Variants in ZNF765 observed in about 807,000 individuals in gnomAD.
The protein encoded by ZNF765 is zinc finger protein 765.
In ZNF765, 37 loss-of-function variants were observed where a neutral mutation model predicts 44.7. The observed-to-expected ratio is 0.83, with a 90% CI of 0.64 to 1.09. ZNF765 has a LOEUF of 1.09. ZNF765 is among the 50% of genes least tolerant of loss of function. The pLI, the probability that ZNF765 is intolerant of heterozygous loss-of-function variation, is 0.00. For synonymous variants in ZNF765, 201 were observed against 213.7 expected (o/e 0.94, Z 0.52); for missense variants, 594 against 626.1 (o/e 0.95, Z 0.55).
chr19:53,400,832 A>G lies in ZNF765; in HGVS notation c.16-1233A>G, dbSNP rs893427468. On this transcript the variant is annotated intron_variant, in intron 2 of 3. Coordinates refer to ENST00000396408, the MANE Select transcript of ZNF765 (RefSeq NM_001040185.3). ...TCATACTTTGAGTAATCTAGTTTTCATATATTTTCTTTTGTTTTGAGACTG... is the reference window on the plus strand; with the variant it reads ...TCATACTTTGAGTAATCTAGTTTTCGTATATTTTCTTTTGTTTTGAGACTG... 5.5e-5 allele frequency among the ~76,000 whole-genome samples: 8 copies of G among 146,018 alleles called. No individual in the cohort carries two copies. In the Admixed American group the frequency reaches 5.6e-4, roughly 10 times the overall value.
At chr19:53,423,632 G>C (rs2259947) in exon 4 of ZNF765, 195,060 of 243,692 alleles carry the variant, frequency 0.8, 79,887 homozygotes, top group South Asian at 0.84. Flanking sequence ...ACTGTCAGCC[G>C]CTTTCTTCTC....
At chr19:53,404,378 T>C (rs949343530) in intron 3 of ZNF765, among the ~76,000 whole-genome samples, 1 of 151,856 alleles carries the variant, frequency 6.6e-6, no homozygotes, top group Non-Finnish European at 1.5e-5. Flanking sequence ...GCCCGGCCTG[T>C]CTTTTTATTT....
intron 1 of ZNF765, among the ~76,000 whole-genome samples, chr19:53,396,738 TG>T (rs2085674892): frequency 6.6e-6 from 1 of 152,224 alleles, no homozygotes; most frequent in Non-Finnish European, 1.5e-5. Flanking sequence ...ACCCTTGCCT[TG>T]CCTGTTAGTT....
At chr19:53,406,972 G>A (rs1467260242) in intron 3 of ZNF765, among the ~76,000 whole-genome samples, 1 of 152,012 alleles carries the variant, frequency 6.6e-6, no homozygotes, top group Non-Finnish European at 1.5e-5. Flanking sequence ...TTTTCTGCAA[G>A]GATATAGGTA....
rs992365817 is a variant in ZNF765 at position 53,409,210 on chromosome 19, G to C, written c.*83G>C. 7.7e-7 allele frequency: 1 copy of C among 1,295,098 alleles called. No individual in the cohort carries two copies. The highest frequency in any genetic ancestry group is 1.1e-6 in the Non-Finnish European group (1 of 895,214). 80.2% of individuals were successfully genotyped at this position (1,295,098 alleles called of 1,614,324 possible). ...TAGTGGAGAGAAACCTTACAAATATGAAGAACTTGACAAAGCTTACAATTT... is the reference window on the plus strand; with the variant it reads ...TAGTGGAGAGAAACCTTACAAATATCAAGAACTTGACAAAGCTTACAATTT... On this transcript the variant is annotated 3_prime_UTR_variant, in exon 4 of 4. Coordinates refer to ENST00000396408, the MANE Select transcript of ZNF765 (RefSeq NM_001040185.3).
intron 2 of ZNF765, among the ~76,000 whole-genome samples, chr19:53,400,180 G>C (rs1200677527): frequency 6.6e-6 from 1 of 152,196 alleles, no homozygotes; most frequent in South Asian, 2.1e-4. Flanking sequence ...GCCAGTGTCT[G>C]TTGTTTTCTT....
At position 53,409,968 on chromosome 19, in the gene ZNF765, A is replaced by G. The variant is rs1013685780; in HGVS notation, c.*841A>G. 1 of 559,392 alleles carries G rather than the reference A, an allele frequency of 1.8e-6. No homozygotes were observed. The highest frequency in any genetic ancestry group is 1.9e-5 in the African/African-American group (1 of 53,032). The allele number at this position is 559,392 out of a possible 1,614,324, so 34.7% of individuals were successfully genotyped here. On this transcript the variant is annotated 3_prime_UTR_variant, in exon 4 of 4. Coordinates refer to ENST00000396408, the MANE Select transcript of ZNF765 (RefSeq NM_001040185.3). ...AGTAATGCTACAACTATTGCAAATCATTGGAGAATCCATAATGAAGAGAGA... is the reference window on the plus strand; with the variant it reads ...AGTAATGCTACAACTATTGCAAATCGTTGGAGAATCCATAATGAAGAGAGA...
rs1254141406 is a variant in ZNF765 at position 53,397,952 on chromosome 19, C to T, written c.-64C>T. 3 of 1,607,768 alleles carry T rather than the reference C, an allele frequency of 1.9e-6. No individual in the cohort carries two copies. Among genetic ancestry groups the T allele is most frequent in the Admixed American group, 1.7e-5 (1 of 59,720 alleles). ...TATTTCTAACATTCAGGATTGACTT[C>T]TAAAGACTCTTGGTATGTGAGGAAG... On this transcript the variant is annotated 5_prime_UTR_variant, in exon 2 of 4. Transcript: ENST00000396408.
downstream of ZNF765, among the ~76,000 whole-genome samples, chr19:53,414,493 C>CA (rs1568786166): frequency 4.0e-3 from 73 of 18,336 alleles, 14 homozygotes; most frequent in Non-Finnish European, 8.2e-3. Context: ...ACACACACCC[C>CA]CCCCCCCCCC....
chr19:53,414,898 G>T (rs1346241949), downstream of ZNF765, among the ~76,000 whole-genome samples: 2 of 152,064 alleles, frequency 1.3e-5, no homozygotes, highest in Non-Finnish European at 2.9e-5. Flanking sequence ...GTGCTGCAAT[G>T]ACATGGTTTA....
chr19:53,417,740 C>G (rs1295773961), intron 3 of ZNF765, among the ~76,000 whole-genome samples: 1 of 152,170 alleles, frequency 6.6e-6, no homozygotes, highest in Non-Finnish European at 1.5e-5. Context: ...AAACTAACGG[C>G]TTCATGTTCT....
downstream of ZNF765, among the ~76,000 whole-genome samples, chr19:53,414,252 AAAG>A (rs1246271497): frequency 6.7e-6 from 1 of 150,198 alleles, no homozygotes; most frequent in Non-Finnish European, 1.5e-5. Flanking sequence ...AAAAAAAAAA[AAAG>A]AAACTTGCAG....
rs772150240 is a variant in ZNF765 at position 53,408,183 on chromosome 19, A to G, written c.628A>G (p.Met210Val). 9 of 1,614,076 alleles carry G rather than the reference A, an allele frequency of 5.6e-6. No homozygotes were observed. The East Asian group carries it at 8.9e-5, about 16-fold the overall frequency. ...ATTCACACAAAAACAGGAAGTACAT[A>G]TGAGGGAAAAATCTTTCCAATGCAA... ...SLFTQKQEVHMREKSFQCNDS... is the reference protein window; with the variant it reads ...SLFTQKQEVHVREKSFQCNDS... Residue 210 changes from methionine (M) to valine (V), a missense_variant, in exon 4 of 4, where the codon ATG becomes GTG. Coordinates refer to ENST00000396408, the MANE Select transcript of ZNF765 (RefSeq NM_001040185.3).
chr19:53,407,056 G>C (rs550187716), intron 3 of ZNF765, among the ~76,000 whole-genome samples: 7 of 152,132 alleles, frequency 4.6e-5, no homozygotes, highest in African/African-American at 1.7e-4. Context: ...TTGTCACCCA[G>C]GCTGAAGTAC....
In ZNF765 at chr19:53,402,141, C is replaced by T. The variant is rs1352442702; in HGVS notation, c.92C>T (p.Thr31Ile). Reference protein sequence around the residue: ...EWKCLDPAQRTLYRDVMLENY... With the variant: ...EWKCLDPAQRILYRDVMLENY... The stretch of plus-strand genomic sequence containing the variant: ...AAATGCCTGGACCCTGCTCAGAGGA[C>T]TCTATACAGGGACGTGATGCTGGAG... The change falls in exon 3 of 4, where the codon ACT (threonine) becomes ATT (isoleucine). Residue 31 changes from threonine (T) to isoleucine (I), a missense_variant. By Grantham distance (89) the Thr-to-Ile change is moderately conservative. Around this residue, in one of 2 missense-constraint regions of ZNF765, gnomAD observed 27 missense variants for 53.6 expected, o/e 0.50. Transcript: ENST00000396408. 1.5e-5 allele frequency: 25 copies of T among 1,613,734 alleles called. No individual in the cohort carries two copies. Among genetic ancestry groups the T allele is most frequent in the Admixed American group, 6.7e-5 (4 of 59,940 alleles).
intron 3 of ZNF765, among the ~76,000 whole-genome samples, chr19:53,417,334 G>A (rs946760714): frequency 1.3e-5 from 2 of 152,060 alleles, no homozygotes; most frequent in Admixed American, 6.6e-5. Context: ...CTATGTATCT[G>A]TCTTCTCATC....
chr19:53,403,296 T>G (rs1405662623), intron 3 of ZNF765, among the ~76,000 whole-genome samples: 7 of 152,186 alleles, frequency 4.6e-5, no homozygotes, highest in Admixed American at 2.0e-4. Flanking sequence ...TACTTACAGT[T>G]GAAGTATTAC....
At chr19:53,422,449 G>C (rs973233517) in intron 3 of ZNF765, among the ~76,000 whole-genome samples, 6 of 152,158 alleles carry the variant, frequency 3.9e-5, no homozygotes, top group Admixed American at 2.6e-4. Context: ...ACAGCAAAGA[G>C]CAATTCATTG....
In ZNF765 at chr19:53,410,551, GT is replaced by G; in HGVS notation, c.*1427del. 2.4e-6 allele frequency: 1 copy of G among 421,670 alleles called. No individual in the cohort carries two copies. The allele number at this position is 421,670 out of a possible 1,614,324, so 26.1% of individuals were successfully genotyped here. A position where few individuals can be genotyped will look rare whatever the true frequency, so the allele number is the denominator to read the frequency against. On this transcript the variant is annotated 3_prime_UTR_variant, in exon 4 of 4. Coordinates refer to ENST00000396408, the MANE Select transcript of ZNF765 (RefSeq NM_001040185.3). ...GGTCTTTAGTGGGCAGTCAACACTT[GT>G]TTACCATCAGGCAATCCATGGTGTA...
Sources: gnomAD v4.1 joint callset for allele counts (sites outside exome capture counted in the v4.1 genomes callset) on GRCh38, gnomAD v4.1.1 for gene constraint, gnomAD v4.1.1 regional missense constraint, MANE v1.5 for transcripts, NCBI Gene and HGNC (gene_info 2026-07-23, HGNC 2026-07-21) for gene names.